NLRP14: variants seen among roughly 807,000 people sequenced by gnomAD.
NLRP14 encodes the protein NLR family pyrin domain containing 14, also known as NACHT, LRR and PYD domains-containing protein 14.
A neutral mutation model predicts 94.7 loss-of-function variants in NLRP14; 105 were observed. The ratio of observed to expected loss-of-function variants is 1.11; its 90% CI spans 0.95 to 1.30. The LOEUF (loss-of-function observed/expected upper bound fraction) is 1.30. NLRP14 is among the 50% of genes most tolerant of loss of function. NLRP14 has a pLI of 0.00. For missense variants in NLRP14, 1,362 were observed against 1,254.1 expected, an observed-to-expected ratio of 1.09 and a Z score of -1.30; for synonymous variants, 508 against 459.9, an observed-to-expected ratio of 1.10 and a Z score of -1.34.
chr11:7,089,865 C>T, the NLRP14 span: 3 of 1,612,640 alleles, frequency 1.9e-6, no homozygotes, highest in East Asian at 4.5e-5. Context: ...CTCCAGTGTC[C>T]GGGACGACTG....
chr11:7,089,799 G>A, the NLRP14 span: 421 of 1,602,940 alleles, frequency 2.6e-4, 6 homozygotes, highest in South Asian at 4.4e-3. Context: ...AGACTACCGC[G>A]AACCCCGGGG....
chr11:7,039,916 T>C, intron 3 of NLRP14, 131 bp downstream of exon 3: 1 of 777,954 alleles, frequency 1.3e-6, no homozygotes, highest in East Asian at 2.6e-5. Context: ...TCCCTGAATG[T>C]CACCCAAAAA....
intron 1 of NLRP14, among the ~76,000 whole-genome samples, chr11:7,024,271 A>G (rs1441015164): frequency 1.3e-5 from 2 of 152,214 alleles, no homozygotes; most frequent in African/African-American, 4.8e-5. Flanking sequence ...AGAATAGAAT[A>G]TGCTACATAG....
chr11:7,061,443 C>G (rs1852619153), intron 9 of NLRP14, among the ~76,000 whole-genome samples: 1 of 151,966 alleles, frequency 6.6e-6, no homozygotes, highest in Admixed American at 6.6e-5. Context: ...GTAAACAAAG[C>G]TGTACTTTCT....
At chr11:7,073,228 T>C (rs540512923), downstream of NLRP14, among the ~76,000 whole-genome samples, 13 of 152,338 alleles carry the variant, frequency 8.5e-5, no homozygotes, top group African/African-American at 3.1e-4. Context: ...GCTCAGATTC[T>C]GGGAGAATCA....
downstream of NLRP14, among the ~76,000 whole-genome samples, chr11:7,075,677 A>G (rs1309706240): frequency 6.6e-6 from 1 of 152,184 alleles, no homozygotes; most frequent in African/African-American, 2.4e-5. Context: ...TGGAGTATAC[A>G]GTCATTTTGA....
downstream of NLRP14, among the ~76,000 whole-genome samples, chr11:7,076,119 G>T (rs999270960): frequency 5.9e-5 from 9 of 152,074 alleles, no homozygotes; most frequent in African/African-American, 2.2e-4. Flanking sequence ...TGAAAATTTT[G>T]ATATTTTGAT....
At chr11:7,086,160 A>G in the NLRP14 span, among the ~76,000 whole-genome samples, 2 of 152,252 alleles carry the variant, frequency 1.3e-5, no homozygotes, top group African/African-American at 4.8e-5. Flanking sequence ...TATTCCCACT[A>G]GCACTACACA....
chr11:7,028,119 C>A (rs1852039943), intron 1 of NLRP14, among the ~76,000 whole-genome samples: 2 of 152,132 alleles, frequency 1.3e-5, no homozygotes, highest in South Asian at 2.1e-4. Context: ...TAGTTTGTAT[C>A]TACTGCTCAG....
chr11:7,070,457 G>T lies in NLRP14; in HGVS notation c.3146+1G>T. The T allele has an allele frequency of 6.2e-7, 1 of 1,609,020 alleles. No homozygotes were observed. The highest frequency in any genetic ancestry group is 8.5e-7 in the Non-Finnish European group (1 of 1,175,966). ...CTAAGTGTAAACTACAAGTTCTAGG[G>T]TAAGTCTCCATTGGCTTCTCAGGGG... On this transcript the variant is annotated splice_donor_variant, in intron 11 of 11. Transcript: ENST00000299481. LOFTEE classifies it high-confidence loss of function.
chr11:7,046,909 G>A, intron 5 of NLRP14, 77 bp downstream of exon 5: 1 of 1,086,522 alleles, frequency 9.2e-7, no homozygotes, highest in Non-Finnish European at 1.4e-6. Flanking sequence ...ATACTCGTTA[G>A]GGGAAGCCAA....
intron 1 of NLRP14, among the ~76,000 whole-genome samples, chr11:7,025,100 A>G (rs189801259): frequency 6.6e-6 from 1 of 152,310 alleles, no homozygotes; most frequent in Admixed American, 6.5e-5. Flanking sequence ...ATAACTCATG[A>G]CATTTCAGTC....
At chr11:7,056,356 T>C (rs1419922347) in intron 6 of NLRP14, among the ~76,000 whole-genome samples, 2 of 151,844 alleles carry the variant, frequency 1.3e-5, no homozygotes, top group Non-Finnish European at 2.9e-5. Flanking sequence ...TTCATTATTA[T>C]AATAAGACAA....
chr11:7,052,895 C>A (rs555975596), intron 6 of NLRP14, among the ~76,000 whole-genome samples: 1 of 152,170 alleles, frequency 6.6e-6, no homozygotes, highest in Admixed American at 6.5e-5. Flanking sequence ...ACCAGAGGTT[C>A]TGCCACCTGG....
rs933474584 is a variant in NLRP14 at position 7,057,583 on chromosome 11, G to C, written c.2292-94G>C. 9 of 1,232,708 alleles carry C rather than the reference G, an allele frequency of 7.3e-6. No individual in the cohort carries two copies. In the Middle Eastern group the frequency reaches 1.3e-3, roughly 181 times the overall value. 76.4% of individuals were successfully genotyped at this position (1,232,708 alleles called of 1,614,324 possible). On this transcript the variant is annotated intron_variant, in intron 6 of 11. Coordinates refer to ENST00000299481, the MANE Select transcript of NLRP14 (RefSeq NM_176822.4). ...TGGATTTTTCAGGCAAGATTCCAAAGATTAGGAAACTTCCTACCTTTGGGA... is the reference window on the plus strand; with the variant it reads ...TGGATTTTTCAGGCAAGATTCCAAACATTAGGAAACTTCCTACCTTTGGGA...
Position 7,043,952 on chromosome 11 carries a change from GA to G in NLRP14, c.1927del (p.Ile643TyrfsTer2). The G allele has an allele frequency of 6.2e-7, 1 of 1,614,176 alleles. No homozygotes were observed. The highest frequency in any genetic ancestry group is 8.5e-7 in the Non-Finnish European group (1 of 1,180,018). ...CTGTAACTGTGGTATTTGAGAAGAA[GA>G]TATTAAAAACAAGCCTCCCAACTAA... ...LSVTVVFEKK[I>X]LKTSLPTNTW... is the part of the protein sequence containing the mutation. On this transcript the variant is annotated frameshift_variant, in exon 4 of 12. Transcript: ENST00000299481. LOFTEE classifies it high-confidence loss of function.
chr11:7,082,541 G>A, the NLRP14 span, among the ~76,000 whole-genome samples: 14 of 152,166 alleles, frequency 9.2e-5, no homozygotes, highest in African/African-American at 3.1e-4. Context: ...TTCACCCTTC[G>A]AGGCATGAGA....
intron 4 of NLRP14, among the ~76,000 whole-genome samples, chr11:7,045,712 C>G (rs1002332891): frequency 5.9e-5 from 9 of 151,802 alleles, no homozygotes; most frequent in Non-Finnish European, 8.8e-5. Flanking sequence ...TATAAGGCAA[C>G]ACACTAGACT....
chr11:7,035,024 C>T (rs1852142078), intron 1 of NLRP14, among the ~76,000 whole-genome samples: 1 of 152,018 alleles, frequency 6.6e-6, no homozygotes, highest in African/African-American at 2.4e-5. Flanking sequence ...ATGGCTCATG[C>T]CTGTCACCTG....
Sources: gnomAD v4.1 joint callset for allele counts (sites outside exome capture counted in the v4.1 genomes callset) on GRCh38, gnomAD v4.1.1 for gene constraint, MANE v1.5 for transcripts, NCBI Gene and HGNC (gene_info 2026-07-23, HGNC 2026-07-21) for gene names.